SPAG9: variants seen among roughly 807,000 people sequenced by gnomAD.
The protein encoded by SPAG9 is sperm associated antigen 9.
In SPAG9, 35 loss-of-function variants were observed where a neutral mutation model predicts 166.5. The observed-to-expected ratio is 0.21, with a 90% CI of 0.16 to 0.28. The LOEUF (loss-of-function observed/expected upper bound fraction) is 0.28. SPAG9 is among the 10% of genes least tolerant of loss of function. SPAG9 has a pLI of 1.00. For synonymous variants in SPAG9, 534 were observed against 565.5 expected, an observed-to-expected ratio of 0.94 and a Z score of 0.79; for missense variants, 1,235 against 1,603.3, an observed-to-expected ratio of 0.77 and a Z score of 3.92.
chr17:50,990,298 G>T, intron 20 of SPAG9, 152 bp downstream of exon 20: 1 of 657,446 alleles, frequency 1.5e-6, no homozygotes, highest in Non-Finnish European at 2.7e-6. Flanking sequence ...AGAGTGCTGG[G>T]ATTACAGGCG....
chr17:50,967,384 A>C (rs1973440313), intron 29 of SPAG9, among the ~76,000 whole-genome samples: 1 of 152,216 alleles, frequency 6.6e-6, no homozygotes, highest in Admixed American at 6.5e-5. Flanking sequence ...ACTGTTGACT[A>C]GAAACAACAG....
intron 2 of SPAG9, among the ~76,000 whole-genome samples, chr17:51,058,537 T>C (rs1403229259): frequency 6.6e-6 from 1 of 152,230 alleles, no homozygotes; most frequent in Non-Finnish European, 1.5e-5. Context: ...AATACTCATT[T>C]TAATCTGTTT....
intron 5 of SPAG9, among the ~76,000 whole-genome samples, chr17:51,036,428 C>T (rs2046585435): frequency 6.6e-6 from 1 of 152,160 alleles, no homozygotes. Flanking sequence ...TTCTAAAACT[C>T]CCTTTGTGCC....
rs553894931 is a variant in SPAG9 at position 50,973,847 on chromosome 17, G to A, written c.3700+924C>T. 7.4e-4 allele frequency among the ~76,000 whole-genome samples: 112 copies of A among 152,276 alleles called. 1 individual carries two copies. The highest frequency in any genetic ancestry group is 3.3e-3 in the Admixed American group (51 of 15,300). On this transcript the variant is annotated intron_variant, in intron 28 of 29. Coordinates refer to ENST00000262013, the MANE Select transcript of SPAG9 (RefSeq NM_001130528.3). Reference sequence around the variant, plus strand: ...TTGGACTGCAACATCCACTCTTCCCGGGGTCTCCAGCCTGCCAGCCTGCCC... The same window carrying A: ...TTGGACTGCAACATCCACTCTTCCCAGGGTCTCCAGCCTGCCAGCCTGCCC...
At chr17:51,071,862 C>T (rs928825919) in intron 2 of SPAG9, among the ~76,000 whole-genome samples, 3 of 152,022 alleles carry the variant, frequency 2.0e-5, no homozygotes, top group African/African-American at 4.8e-5. Context: ...AATTGACAAA[C>T]TCAGTCTTTT....
At chr17:51,010,019 G>A (rs1052291952) in intron 9 of SPAG9, among the ~76,000 whole-genome samples, 1 of 151,802 alleles carries the variant, frequency 6.6e-6, no homozygotes, top group Non-Finnish European at 1.5e-5. Flanking sequence ...ACAAACTTAG[G>A]TCTAATACAT....
chr17:50,980,661 A>G (rs1469598415), intron 25 of SPAG9, among the ~76,000 whole-genome samples: 2 of 151,876 alleles, frequency 1.3e-5, no homozygotes, highest in African/African-American at 4.8e-5. Context: ...TGAACACAGG[A>G]GTTTGAGATC....
chr17:50,994,935 G>A, intron 18 of SPAG9, 122 bp downstream of exon 18: 1 of 666,696 alleles, frequency 1.5e-6, no homozygotes, highest in Non-Finnish European at 2.6e-6. Flanking sequence ...AAAGGGTGCT[G>A]AGGGACAGTA....
chr17:51,005,191 A>T, intron 12 of SPAG9, 21 bp downstream of exon 12: 1 of 1,611,340 alleles, frequency 6.2e-7, no homozygotes, highest in Non-Finnish European at 8.5e-7. Flanking sequence ...TAAGAAAAAA[A>T]GTCCAAAATT....
At chr17:51,038,281 G>C (rs1329627551) in intron 5 of SPAG9, among the ~76,000 whole-genome samples, 1 of 152,102 alleles carries the variant, frequency 6.6e-6, no homozygotes, top group East Asian at 1.9e-4. Flanking sequence ...CATGGAATTT[G>C]ATCTACCCAG....
chr17:51,057,492 T>A (rs1443468293), intron 2 of SPAG9, among the ~76,000 whole-genome samples: 1 of 152,224 alleles, frequency 6.6e-6, no homozygotes, highest in Admixed American at 6.5e-5. Flanking sequence ...GGAACTAGTA[T>A]GAACTAATAT....
chr17:51,036,744 T>G (rs1254507078), intron 5 of SPAG9, among the ~76,000 whole-genome samples: 1 of 152,126 alleles, frequency 6.6e-6, no homozygotes, highest in African/African-American at 2.4e-5. Context: ...CCATATGGAT[T>G]ACCCTTGTAA....
At chr17:50,990,983 T>G (rs1038139676) in intron 19 of SPAG9, among the ~76,000 whole-genome samples, 14 of 151,544 alleles carry the variant, frequency 9.2e-5, no homozygotes, top group Non-Finnish European at 1.3e-4. Flanking sequence ...TTCAGCTCAC[T>G]GCAACCTCCG....
At chr17:50,999,608 T>G (rs1205495044) in intron 14 of SPAG9, 53 bp downstream of exon 14, 6 of 1,518,056 alleles carry the variant, frequency 4.0e-6, no homozygotes, top group Non-Finnish European at 4.5e-6. Flanking sequence ...AAATTTTGAC[T>G]GTAATTTTCT....
At chr17:51,005,851 C>CAAA (rs1332857373) in intron 11 of SPAG9, among the ~76,000 whole-genome samples, 1 of 152,088 alleles carries the variant, frequency 6.6e-6, no homozygotes, top group East Asian at 1.9e-4. Flanking sequence ...GACTCCGTCT[C>CAAA]AAAAAAACAG....
chr17:51,100,189 G>A (rs905469938), intron 1 of SPAG9, among the ~76,000 whole-genome samples: 2 of 152,236 alleles, frequency 1.3e-5, no homozygotes, highest in African/African-American at 4.8e-5. Context: ...TAATGCTTGA[G>A]ACATTTAATT....
At chr17:51,068,886 T>C (rs1325794486) in intron 2 of SPAG9, among the ~76,000 whole-genome samples, 8 of 151,986 alleles carry the variant, frequency 5.3e-5, no homozygotes, top group Non-Finnish European at 1.2e-4. Flanking sequence ...AGAGCCCAAA[T>C]ACAGATAATA....
rs568314016 is a variant in SPAG9 at position 50,981,645 on chromosome 17, G to A, written c.3237+879C>T. On this transcript the variant is annotated intron_variant, in intron 25 of 29. Coordinates refer to ENST00000262013, the MANE Select transcript of SPAG9 (RefSeq NM_001130528.3). ...TGTGATTTGGGGGAGGGTGAAGGAG[G>A]GCTTTCACCTTAAAATTTCCTGTAT... Among the ~76,000 whole-genome samples the A allele has an allele frequency of 1.1e-4, 17 of 151,536 alleles. No individual in the cohort carries two copies. The South Asian group carries it at 3.5e-3, about 32-fold the overall frequency.
intron 1 of SPAG9, among the ~76,000 whole-genome samples, chr17:51,110,182 A>G (rs886163280): frequency 6.6e-5 from 10 of 152,218 alleles, no homozygotes; most frequent in African/African-American, 2.4e-4. Flanking sequence ...TGGTTCAGCA[A>G]TTAAATATGT....
Sources: gnomAD v4.1 joint callset for allele counts (sites outside exome capture counted in the v4.1 genomes callset) on GRCh38, gnomAD v4.1.1 for gene constraint, MANE v1.5 for transcripts, NCBI Gene and HGNC (gene_info 2026-07-23, HGNC 2026-07-21) for gene names.